The following DPF3 variants were observed in gnomAD, a reference collection of about 807,000 sequenced individuals.
The protein encoded by DPF3 is zinc finger protein DPF3.
A neutral mutation model predicts 56.8 loss-of-function variants in DPF3; 18 were observed. That is an observed-to-expected ratio of 0.32 (90% CI 0.22 to 0.47). The LOEUF is 0.47. Ranked by LOEUF, DPF3 falls within the 20% of genes least tolerant of loss-of-function variation. The pLI, the probability that DPF3 is intolerant of heterozygous loss-of-function variation, is 1.00. For missense variants in DPF3, 403 were observed against 488.8 expected (o/e 0.82, Z 1.65); for synonymous variants, 188 against 180.2 (o/e 1.04, Z -0.35).
At chr14:72,689,729 G>A (rs952499570) in intron 7 of DPF3, among the ~76,000 whole-genome samples, 3 of 152,208 alleles carry the variant, frequency 2.0e-5, no homozygotes, top group Admixed American at 6.5e-5. Flanking sequence ...CATTCGGGGC[G>A]GCGAGCAAGT....
chr14:72,670,505 A>G (rs1599341969), intron 8 of DPF3: 1 of 984,580 alleles, frequency 1.0e-6, no homozygotes. Context: ...AGAATGAGGG[A>G]GGGGTCTGCC....
chr14:72,700,307 A>G (rs1417477537), intron 6 of DPF3, among the ~76,000 whole-genome samples: 1 of 152,136 alleles, frequency 6.6e-6, no homozygotes, highest in African/African-American at 2.4e-5. Flanking sequence ...AAGGCCCCAC[A>G]CTTGGTTTAA....
chr14:72,830,618 A>G (rs1404587888), intron 1 of DPF3, among the ~76,000 whole-genome samples: 2 of 152,190 alleles, frequency 1.3e-5, no homozygotes. Context: ...GATGTGACGC[A>G]CTTAGCATGT....
rs1225729660 is a variant in DPF3, at chr14:72,612,079, G to A, written c.*7218C>T. Among the ~76,000 whole-genome samples the A allele has an allele frequency of 6.6e-6, 1 of 152,160 alleles. No homozygotes were observed. Among genetic ancestry groups the A allele is most frequent in the Admixed American group, 6.5e-5 (1 of 15,288 alleles). On this transcript the variant is annotated 3_prime_UTR_variant, in exon 11 of 11. Coordinates refer to ENST00000556509, the MANE Select transcript of DPF3 (RefSeq NM_001280542.3). ...AAGGGTTTTAATTTAGCCAGTAACA[G>A]CCTGCCCTGCAATGATTCATGGCAG...
chr14:72,755,761 T>G (rs904330812), intron 2 of DPF3, among the ~76,000 whole-genome samples: 10 of 152,200 alleles, frequency 6.6e-5, no homozygotes, highest in Non-Finnish European at 1.3e-4. Flanking sequence ...TTCTTTTTGA[T>G]GTCTGCTTTG....
At chr14:72,641,842 T>C (rs138461947) in intron 8 of DPF3, among the ~76,000 whole-genome samples, 54 of 152,356 alleles carry the variant, frequency 3.5e-4, no homozygotes, top group African/African-American at 1.1e-3. Context: ...AGTGACAATA[T>C]GCAGTTTTGG....
At chr14:72,660,997 C>A in intron 8 of DPF3, 2 of 937,622 alleles carry the variant, frequency 2.1e-6, no homozygotes, top group Non-Finnish European at 2.5e-6. Context: ...AAAGTGAACT[C>A]ACACAGGATG....
intron 6 of DPF3, among the ~76,000 whole-genome samples, chr14:72,705,763 T>C (rs1888378779): frequency 6.6e-6 from 1 of 152,244 alleles, no homozygotes; most frequent in Non-Finnish European, 1.5e-5. Context: ...AAGTTGATTC[T>C]GGCCTGGGCC....
chr14:72,800,238 G>A (rs955145910), intron 1 of DPF3, among the ~76,000 whole-genome samples: 12 of 152,178 alleles, frequency 7.9e-5, no homozygotes, highest in Non-Finnish European at 1.5e-4. Context: ...TCTAGCCAGG[G>A]AATGCTACAG....
At chr14:72,748,620 A>G (rs796482517) in intron 3 of DPF3, among the ~76,000 whole-genome samples, 13 of 152,290 alleles carry the variant, frequency 8.5e-5, no homozygotes, top group African/African-American at 2.9e-4. Flanking sequence ...CCCTCCCATC[A>G]CAGGCCTGGA....
intron 3 of DPF3, chr14:72,742,468 C>CCTCCAT (rs61154658): frequency 0.31 from 46,812 of 151,956 alleles, 8,113 homozygotes; most frequent in Middle Eastern, 0.4. Context: ...CGGGTCCCTT[C>CCTCCAT]CTCCATCTCC....
intron 9 of DPF3, among the ~76,000 whole-genome samples, chr14:72,628,719 C>A (rs1226213147): frequency 1.3e-5 from 2 of 149,644 alleles, no homozygotes; most frequent in East Asian, 4.1e-4. Flanking sequence ...AAGAGACAGA[C>A]AATCTGAATC....
intron 9 of DPF3, among the ~76,000 whole-genome samples, chr14:72,622,965 G>A (rs1292171169): frequency 1.3e-5 from 2 of 152,218 alleles, no homozygotes; most frequent in Non-Finnish European, 2.9e-5. Flanking sequence ...ATAAGGGAAT[G>A]GTTGGATAAG....
chr14:72,756,977 AAG>A (rs764527715), intron 2 of DPF3, among the ~76,000 whole-genome samples: 2 of 124,398 alleles, frequency 1.6e-5, no homozygotes, highest in Non-Finnish European at 3.5e-5. Flanking sequence ...GAGAGAGGGA[AAG>A]AGGGGGAGAA....
At chr14:72,744,129 A>T (rs1890237768) in intron 3 of DPF3, among the ~76,000 whole-genome samples, 1 of 152,202 alleles carries the variant, frequency 6.6e-6, no homozygotes, top group Non-Finnish European at 1.5e-5. Flanking sequence ...ATGCAGACAG[A>T]TTTTTATTTT....
intron 4 of DPF3, among the ~76,000 whole-genome samples, chr14:72,725,065 C>G (rs1473787647): frequency 1.3e-5 from 2 of 152,072 alleles, no homozygotes; most frequent in Admixed American, 6.6e-5. Context: ...GGCAAGTCAT[C>G]ATCTCTTCAT....
At chr14:72,680,243 G>C (rs1385698782) in intron 7 of DPF3, among the ~76,000 whole-genome samples, 1 of 152,222 alleles carries the variant, frequency 6.6e-6, no homozygotes, top group Non-Finnish European at 1.5e-5. Context: ...CCCCAGGCCT[G>C]ACACCTTTTT....
At chr14:72,677,941 T>C (rs1886986640) in intron 7 of DPF3, among the ~76,000 whole-genome samples, 1 of 151,092 alleles carries the variant, frequency 6.6e-6, no homozygotes. Flanking sequence ...TGGTCATGCC[T>C]ATCCACTCAG....
chr14:72,886,754 G>A (rs1886563275), intron 1 of DPF3, among the ~76,000 whole-genome samples: 1 of 152,014 alleles, frequency 6.6e-6, no homozygotes, highest in South Asian at 2.1e-4. Context: ...TGCCATGGAA[G>A]CTTTCCACCA....
Sources: allele counts gnomAD v4.1 joint callset (sites outside exome capture counted in the v4.1 genomes callset), GRCh38; gene constraint gnomAD v4.1.1; transcripts MANE v1.5; gene names NCBI Gene and HGNC (gene_info 2026-07-23, HGNC 2026-07-21).